The following USH2A variants were observed in gnomAD, a reference collection of about 807,000 sequenced individuals.
USH2A encodes the protein Usher syndrome 2A (autosomal recessive, mild).
In USH2A, 443 loss-of-function variants were observed where a neutral mutation model predicts 538.9. The observed-to-expected ratio is 0.82, with a 90% confidence interval of 0.76 to 0.89. USH2A has a LOEUF of 0.89. Among genes scored for constraint, USH2A ranks in the 40% least tolerant of loss-of-function variants. The probability of loss-of-function intolerance (pLI) is 0.00; values close to 1 mark genes in which losing one functional copy is unlikely to be tolerated. For synonymous variants in USH2A, 2,413 were observed against 2,273.5 expected (o/e 1.06, Z -1.75); for missense variants, 6,633 against 6,324.8 (o/e 1.05, Z -1.65).
intron 56 of USH2A, among the ~76,000 whole-genome samples, chr1:215,760,410 CTCTCT>C (rs987088264): frequency 2.6e-5 from 4 of 151,942 alleles, no homozygotes; most frequent in Admixed American, 2.0e-4. Flanking sequence ...TCTTCTTTTT[CTCTCT>C]TCTCTTCTCT....
chr1:216,093,661 G>T (rs2032360828), intron 22 of USH2A, among the ~76,000 whole-genome samples: 1 of 152,160 alleles, frequency 6.6e-6, no homozygotes, highest in African/African-American at 2.4e-5. Context: ...TCATGCTTCA[G>T]ACTTGGGGAA....
At chr1:215,669,783 C>T (rs749554829) in intron 64 of USH2A, among the ~76,000 whole-genome samples, 27 of 152,212 alleles carry the variant, frequency 1.8e-4, no homozygotes, top group South Asian at 4.2e-4. Context: ...CTTATTAATT[C>T]GGTAATTTGT....
chr1:215,764,527 C>T (rs1490674721), intron 56 of USH2A, among the ~76,000 whole-genome samples: 3 of 152,088 alleles, frequency 2.0e-5, no homozygotes, highest in Non-Finnish European at 4.4e-5. Flanking sequence ...AGAACTGTGT[C>T]CAACTTGTCA....
At position 215,849,191 on chromosome 1, in the gene USH2A, A is replaced by G. The variant is rs558160549; in HGVS notation, c.8846-3158T>C. Among the ~76,000 whole-genome samples the G allele has an allele frequency of 4.7e-4, 71 of 152,294 alleles. 1 individual carries two copies. The South Asian group carries it at 0.014, about 31-fold the overall frequency. On this transcript the variant is annotated intron_variant, in intron 44 of 71. Transcript: ENST00000307340. ...CTTGTCTAGAACCTTCCAAGGCAGA[A>G]GTTTTGTGTATATTACTTCTATGAC...
chr1:215,919,326 G>A (rs969781295), intron 38 of USH2A, among the ~76,000 whole-genome samples: 3 of 152,064 alleles, frequency 2.0e-5, no homozygotes, highest in African/African-American at 4.8e-5. Flanking sequence ...ACTGCATCAC[G>A]TTGTATCTAT....
chr1:216,348,340 A>C (rs923345201), intron 4 of USH2A, among the ~76,000 whole-genome samples: 10 of 151,970 alleles, frequency 6.6e-5, no homozygotes, highest in Non-Finnish European at 1.3e-4. Flanking sequence ...GCCAATAAAA[A>C]CCCCTTGGGA....
chr1:216,080,896 G>T (rs2031921651), intron 26 of USH2A, among the ~76,000 whole-genome samples: 1 of 151,772 alleles, frequency 6.6e-6, no homozygotes, highest in South Asian at 2.1e-4. Flanking sequence ...GAATATGCAT[G>T]CTTGTTTTTA....
intron 40 of USH2A, among the ~76,000 whole-genome samples, chr1:215,899,229 C>T (rs1432785316): frequency 2.6e-5 from 4 of 152,142 alleles, no homozygotes; most frequent in South Asian, 2.1e-4. Flanking sequence ...AGTCACTTAA[C>T]GTTCTCATTG....
At chr1:215,743,357 G>A in intron 58 of USH2A, 22 bp from the exon 59 acceptor site, 1 of 1,473,276 alleles carries the variant, frequency 6.8e-7, no homozygotes, top group Non-Finnish European at 9.3e-7. Context: ...GAGAGAGAGA[G>A]AGAACATTAA....
Position 216,392,385 on chromosome 1 carries a change from G to A in USH2A, c.651+26129C>T, listed in dbSNP as rs182730125. 1.5e-4 allele frequency among the ~76,000 whole-genome samples: 23 copies of A among 151,218 alleles called. No homozygotes were observed. In the East Asian group the frequency reaches 1.6e-3, roughly 10 times the overall value. ...CATGGTGGCAGGCGCCTGTAGTCCC[G>A]GGAGGCTGAGGCAGGAGAATGGCAT... is the stretch of plus-strand genomic sequence containing the variant. On this transcript the variant is annotated intron_variant, in intron 3 of 71. Transcript: ENST00000307340.
chr1:216,321,121 T>A (rs968468888), intron 9 of USH2A, among the ~76,000 whole-genome samples: 7 of 152,272 alleles, frequency 4.6e-5, no homozygotes, highest in African/African-American at 1.7e-4. Flanking sequence ...AGCTCTAATT[T>A]TATTTTCTTG....
At chr1:216,210,412 C>T (rs1040955970) in intron 15 of USH2A, among the ~76,000 whole-genome samples, 1 of 151,924 alleles carries the variant, frequency 6.6e-6, no homozygotes, top group Non-Finnish European at 1.5e-5. Context: ...AATAATATGA[C>T]CCTGTGATCA....
At chr1:216,228,848 G>T (rs2035617275) in intron 14 of USH2A, among the ~76,000 whole-genome samples, 1 of 152,102 alleles carries the variant, frequency 6.6e-6, no homozygotes, top group Admixed American at 6.5e-5. Flanking sequence ...AATATGTAAA[G>T]ATATCCAAAC....
intron 32 of USH2A, among the ~76,000 whole-genome samples, chr1:216,033,679 C>G (rs1349730505): frequency 6.6e-6 from 1 of 152,116 alleles, no homozygotes; most frequent in African/African-American, 2.4e-5. Flanking sequence ...GGTGAAACCT[C>G]ATCTCTACAA....
intron 64 of USH2A, among the ~76,000 whole-genome samples, chr1:215,664,771 T>C (rs1238246768): frequency 6.6e-6 from 1 of 152,164 alleles, no homozygotes; most frequent in African/African-American, 2.4e-5. Context: ...AGTGTTCTTC[T>C]ACCTGGTATA....
intron 37 of USH2A, among the ~76,000 whole-genome samples, chr1:215,939,534 T>C (rs968485589): frequency 6.6e-6 from 1 of 152,136 alleles, no homozygotes; most frequent in African/African-American, 2.4e-5. Context: ...ATGAAAATCT[T>C]ATTTTCAATG....
At chr1:215,950,538 G>T (rs576178413) in intron 37 of USH2A, among the ~76,000 whole-genome samples, 15 of 133,264 alleles carry the variant, frequency 1.1e-4, no homozygotes, top group Non-Finnish European at 1.8e-4. Context: ...ACAGAGTCTC[G>T]CTCTGTCACC....
chr1:215,770,652 G>C (rs1467459888), intron 55 of USH2A, among the ~76,000 whole-genome samples: 2 of 152,132 alleles, frequency 1.3e-5, no homozygotes, highest in Non-Finnish European at 2.9e-5. Flanking sequence ...TATTGAGCAT[G>C]TACTACTAGT....
At chr1:215,834,861 T>A (rs1663431314) in intron 47 of USH2A, among the ~76,000 whole-genome samples, 1 of 151,914 alleles carries the variant, frequency 6.6e-6, no homozygotes, top group South Asian at 2.1e-4. Context: ...TACTCTCTAT[T>A]GTTTTTTCTT....
Sources: allele counts gnomAD v4.1 joint callset (sites outside exome capture counted in the v4.1 genomes callset), GRCh38; gene constraint gnomAD v4.1.1; transcripts MANE v1.5; gene names NCBI Gene and HGNC (gene_info 2026-07-23, HGNC 2026-07-21).